GNAQ: variants seen among roughly 807,000 people sequenced by gnomAD.
GNAQ encodes the protein guanine nucleotide-binding protein G(q) subunit alpha.
A neutral mutation model predicts 43.9 loss-of-function variants in GNAQ; 8 were observed. That is an observed-to-expected ratio of 0.18 (90% CI 0.11 to 0.33). The LOEUF (loss-of-function observed/expected upper bound fraction) is 0.33, where lower values mean the gene tolerates loss of function less well. GNAQ is among the 10% of genes least tolerant of loss of function. The probability of loss-of-function intolerance (pLI) is 1.00; values close to 1 mark genes in which losing one functional copy is unlikely to be tolerated. For synonymous variants in GNAQ, 155 were observed against 170.7 expected (o/e 0.91, Z 0.71); for missense variants, 158 against 450.8 (o/e 0.35, Z 5.88).
intron 5 of GNAQ, among the ~76,000 whole-genome samples, chr9:77,757,727 T>C (rs984098349): frequency 2.0e-5 from 3 of 152,212 alleles, no homozygotes; most frequent in African/African-American, 7.2e-5. Flanking sequence ...CCAATAGCTA[T>C]GTAAGTCCAT....
At chr9:77,823,623 T>C (rs1476626062) in intron 2 of GNAQ, among the ~76,000 whole-genome samples, 2 of 152,110 alleles carry the variant, frequency 1.3e-5, no homozygotes, top group African/African-American at 2.4e-5. Flanking sequence ...AAACTTACAA[T>C]CATGGTGGAA....
Position 77,815,630 on chromosome 9 carries a change from A to G in GNAQ, c.462T>C (p.Ser154=), listed in dbSNP as rs1279087782. 2 of 1,604,330 alleles carry G rather than the reference A, an allele frequency of 1.2e-6. No individual in the cohort carries two copies. Among genetic ancestry groups the G allele is most frequent in the Admixed American group, 1.7e-5 (1 of 59,776 alleles). The change falls in exon 3 of 7, where the codon TCT becomes TCC. Residue 154 remains serine (S), a synonymous_variant. Coordinates refer to ENST00000286548, the MANE Select transcript of GNAQ (RefSeq NM_002072.5). ...CYDRRREYQL[S]DSTKYYLNDL... is the part of the protein sequence containing the mutation. ...AAGATACTCACTATTTGGTAGAGTC[A>G]GATAATTGATATTCTCGTCGTCTAT...
intron 6 of GNAQ, among the ~76,000 whole-genome samples, chr9:77,722,588 TATTTTTCACAA>T (rs1216854258): frequency 6.6e-6 from 1 of 151,816 alleles, no homozygotes; most frequent in Non-Finnish European, 1.5e-5. Context: ...GCACAGGTCA[TATTTTTCACAA>T]AAGAAAAAAT....
At chr9:77,957,560 C>T (rs561548139) in intron 1 of GNAQ, among the ~76,000 whole-genome samples, 176 of 152,154 alleles carry the variant, frequency 1.2e-3, no homozygotes, top group African/African-American at 4.0e-3. Flanking sequence ...AGGAGAAAAG[C>T]AAGGGGAATT....
chr9:77,907,869 G>C (rs1828736706), intron 2 of GNAQ, among the ~76,000 whole-genome samples: 1 of 152,164 alleles, frequency 6.6e-6, no homozygotes. Flanking sequence ...AGTGGCCACA[G>C]GTAACTGCAT....
At chr9:77,940,620 T>C (rs1474395541) in intron 1 of GNAQ, among the ~76,000 whole-genome samples, 2 of 151,496 alleles carry the variant, frequency 1.3e-5, no homozygotes, top group Non-Finnish European at 2.9e-5. Flanking sequence ...ATCTAACACA[T>C]TGGGAGAAAG....
chr9:77,864,109 G>C (rs1189250956), intron 2 of GNAQ, among the ~76,000 whole-genome samples: 1 of 151,988 alleles, frequency 6.6e-6, no homozygotes, highest in African/African-American at 2.4e-5. Flanking sequence ...AGAAGGCAAA[G>C]GGAAGCAGGC....
chr9:77,862,294 C>T (rs771674780), intron 2 of GNAQ, among the ~76,000 whole-genome samples: 39 of 152,228 alleles, frequency 2.6e-4, no homozygotes, highest in Middle Eastern at 3.4e-3. Flanking sequence ...ATTTCCCTTC[C>T]GCCCTGCCCT....
At chr9:77,923,320 A>T (rs2118280935) in intron 1 of GNAQ, among the ~76,000 whole-genome samples, 1 of 152,278 alleles carries the variant, frequency 6.6e-6, no homozygotes, top group Non-Finnish European at 1.5e-5. Context: ...GACTAGTAAC[A>T]TTATATAGAA....
chr9:77,939,490 C>G (rs1829283724), intron 1 of GNAQ, among the ~76,000 whole-genome samples: 1 of 152,110 alleles, frequency 6.6e-6, no homozygotes, highest in Non-Finnish European at 1.5e-5. Context: ...TGACTATAAA[C>G]TCATAAATTT....
chr9:77,965,965 A>C (rs750055594), intron 1 of GNAQ, among the ~76,000 whole-genome samples: 8 of 152,200 alleles, frequency 5.3e-5, no homozygotes, highest in Non-Finnish European at 1.0e-4. Flanking sequence ...GGATAAAGAA[A>C]ATGTAGTACA....
chr9:78,023,537 C>T (rs1823937757), intron 1 of GNAQ, among the ~76,000 whole-genome samples: 1 of 152,012 alleles, frequency 6.6e-6, no homozygotes, highest in South Asian at 2.1e-4. Context: ...ATCACAGAAG[C>T]ATTCCTCTTT....
intron 2 of GNAQ, among the ~76,000 whole-genome samples, chr9:77,870,361 T>G (rs1262801438): frequency 2.7e-5 from 4 of 148,534 alleles, no homozygotes; most frequent in Non-Finnish European, 5.9e-5. Flanking sequence ...GACGGAGTTT[T>G]GCTCTGTCAC....
intron 1 of GNAQ, among the ~76,000 whole-genome samples, chr9:78,006,962 T>C (rs1823714563): frequency 6.6e-6 from 1 of 152,196 alleles, no homozygotes; most frequent in South Asian, 2.1e-4. Context: ...CCAAGTACTC[T>C]TTGCAACCTG....
chr9:77,772,462 G>C (rs745478332), intron 5 of GNAQ, among the ~76,000 whole-genome samples: 2 of 152,010 alleles, frequency 1.3e-5, no homozygotes, highest in Non-Finnish European at 2.9e-5. Flanking sequence ...TGACCACTGG[G>C]GTCAATATTA....
intron 1 of GNAQ, among the ~76,000 whole-genome samples, chr9:78,000,289 C>T (rs1019664726): frequency 6.6e-6 from 1 of 152,126 alleles, no homozygotes; most frequent in Non-Finnish European, 1.5e-5. Context: ...TGAAGAAACA[C>T]ATCAGTCCTC....
intron 1 of GNAQ, among the ~76,000 whole-genome samples, chr9:77,957,078 G>C (rs1337202981): frequency 1.3e-5 from 2 of 152,148 alleles, no homozygotes; most frequent in Non-Finnish European, 2.9e-5. Context: ...TTAATAATAG[G>C]CTGGGTGTGG....
chr9:78,017,070 A>G (rs184002523), intron 1 of GNAQ, among the ~76,000 whole-genome samples: 4 of 152,342 alleles, frequency 2.6e-5, no homozygotes, highest in African/African-American at 4.8e-5. Flanking sequence ...TGTTCACTGT[A>G]GCACTGATTA....
chr9:77,816,189 G>A (rs1827011294), intron 2 of GNAQ, among the ~76,000 whole-genome samples: 1 of 152,044 alleles, frequency 6.6e-6, no homozygotes, highest in South Asian at 2.1e-4. Context: ...CCAGCTTATG[G>A]GTGTTGTATG....
Sources: allele counts gnomAD v4.1 joint callset (sites outside exome capture counted in the v4.1 genomes callset), GRCh38; gene constraint gnomAD v4.1.1; transcripts MANE v1.5; gene names NCBI Gene and HGNC (gene_info 2026-07-23, HGNC 2026-07-21).